RNF13: variants seen among roughly 807,000 people sequenced by gnomAD.
RNF13 encodes the protein E3 ubiquitin-protein ligase RNF13.
In RNF13, 19 loss-of-function variants were observed where a neutral mutation model predicts 37.7. The ratio of observed to expected loss-of-function variants is 0.50; its 90% CI spans 0.35 to 0.74. The LOEUF is 0.74. RNF13 is among the 30% of genes least tolerant of loss of function. The pLI is 0.01. For missense variants in RNF13, 375 were observed against 453.0 expected (o/e 0.83, Z 1.56); for synonymous variants, 144 against 157.8 (o/e 0.91, Z 0.65).
intron 7 of RNF13, among the ~76,000 whole-genome samples, chr3:149,913,813 G>A (rs1717225713): frequency 6.6e-6 from 1 of 152,160 alleles, no homozygotes; most frequent in African/African-American, 2.4e-5. Flanking sequence ...GAACATCACT[G>A]ATGATGCTAA....
chr3:149,894,982 T>C (rs957217395), intron 4 of RNF13, among the ~76,000 whole-genome samples: 7 of 152,150 alleles, frequency 4.6e-5, no homozygotes, highest in African/African-American at 1.2e-4. Flanking sequence ...AATAGCTAGA[T>C]AGAACCAGAG....
chr3:149,844,337 G>T (rs1426594515), intron 1 of RNF13, among the ~76,000 whole-genome samples: 1 of 152,186 alleles, frequency 6.6e-6, no homozygotes, highest in Non-Finnish European at 1.5e-5. Flanking sequence ...GCGTCTAAGG[G>T]TCCTTTCCCA....
chr3:149,918,379 A>G (rs1478697569), intron 7 of RNF13, among the ~76,000 whole-genome samples: 1 of 152,036 alleles, frequency 6.6e-6, no homozygotes, highest in Non-Finnish European at 1.5e-5. Flanking sequence ...TTGTGAATGT[A>G]TGTATTTCAC....
intron 4 of RNF13, among the ~76,000 whole-genome samples, chr3:149,890,183 C>T (rs116614941): frequency 0.012 from 1,857 of 152,300 alleles, 31 homozygotes; most frequent in African/African-American, 0.041. Context: ...TATTCTTTCA[C>T]GTCATTGCTG....
chr3:149,826,461 C>T (rs970927762), intron 1 of RNF13, among the ~76,000 whole-genome samples: 8 of 152,168 alleles, frequency 5.3e-5, no homozygotes, highest in Admixed American at 1.3e-4. Context: ...ATTTCATCTC[C>T]TCCAAATTAT....
Position 149,912,078 on chromosome 3 carries a change from T to C in RNF13, c.601T>C (p.Phe201Leu), listed in dbSNP as rs751728141. ...CATCTGTCTCATCTTGATAGTCATT[T>C]TCATGGTAGGTACATTAACTTTTAA... ...VGICLILIVI[F>L]MITKFVQDRH... Residue 201 changes from phenylalanine (F) to leucine (L), a missense_variant, in exon 7 of 10, where the codon TTC becomes CTC. By Grantham distance (22) the Phe-to-Leu change is conservative (BLOSUM62 0). Transcript: ENST00000392894. 9 of 1,462,632 alleles carry C rather than the reference T, an allele frequency of 6.2e-6. No homozygotes were observed. The highest frequency in any genetic ancestry group is 8.6e-6 in the Non-Finnish European group (9 of 1,045,472). The allele number at this position is 1,462,632 out of a possible 1,614,324, so 90.6% of individuals were successfully genotyped here.
intron 1 of RNF13, among the ~76,000 whole-genome samples, chr3:149,835,722 G>A (rs561150525): frequency 6.6e-6 from 1 of 151,356 alleles, no homozygotes; most frequent in Admixed American, 6.6e-5. Flanking sequence ...GTAGTTGATT[G>A]ATGGGCATTT....
intron 1 of RNF13, among the ~76,000 whole-genome samples, chr3:149,829,002 C>T (rs1031779797): frequency 3.3e-5 from 5 of 152,120 alleles, no homozygotes; most frequent in African/African-American, 1.2e-4. Flanking sequence ...GTATAGATGA[C>T]CGGATCACAT....
intron 6 of RNF13, among the ~76,000 whole-genome samples, chr3:149,907,925 A>G (rs1051236162): frequency 6.6e-6 from 1 of 152,266 alleles, no homozygotes; most frequent in African/African-American, 2.4e-5. Flanking sequence ...TTCAGTAAAC[A>G]ATTGTCATAT....
chr3:149,925,810 G>T (rs528778380), intron 8 of RNF13, among the ~76,000 whole-genome samples: 6 of 152,102 alleles, frequency 3.9e-5, no homozygotes, highest in African/African-American at 1.4e-4. Flanking sequence ...GTGATTGATG[G>T]TACCAATTTC....
rs1302318768 is a variant in RNF13 at position 149,860,270 on chromosome 3, A to AAATATATAT, written c.195+7675_195+7676insATATATATA. On this transcript the variant is annotated intron_variant, in intron 3 of 9. Transcript: ENST00000392894. ...GAGACTCCATCTAAAAAAAAAAAAA[A>AAATATATAT]ATATATATATATATATATATATATA... is the stretch of plus-strand genomic sequence containing the variant. Among the ~76,000 whole-genome samples the AAATATATAT allele has an allele frequency of 2.7e-3, 285 of 104,018 alleles. 1 individual carries two copies. The highest frequency in any genetic ancestry group is 4.4e-3 in the Non-Finnish European group (238 of 54,658). 68.2% of individuals were successfully genotyped at this position (104,018 alleles called of 152,430 possible). A position where few individuals can be genotyped will look rare whatever the true frequency, so the allele number is the denominator to read the frequency against.
rs144204305 is a variant in RNF13 at position 149,939,521 on chromosome 3, T to C, written c.700+18294T>C. On this transcript the variant is annotated intron_variant, in intron 8 of 9. Transcript: ENST00000392894. ...AACCGTAAGATCACCAGTGGTGTTA[T>C]TTCAAGGCCCCCAGAAACCATTGGC... 586 of 583,522 alleles carry C rather than the reference T, an allele frequency of 1.0e-3. 2 individuals are homozygous for C. In the African/African-American group the frequency reaches 0.01, roughly 10 times the overall value. 36.1% of individuals were successfully genotyped at this position (583,522 alleles called of 1,614,324 possible). A position where few individuals can be genotyped will look rare whatever the true frequency, so the allele number is the denominator to read the frequency against.
At chr3:149,921,849 G>A (rs1282201389) in intron 8 of RNF13, among the ~76,000 whole-genome samples, 1 of 152,106 alleles carries the variant, frequency 6.6e-6, no homozygotes, top group African/African-American at 2.4e-5. Context: ...GGTATTTCTA[G>A]TTCTAGATCC....
chr3:149,952,682 C>T (rs1032003300), intron 8 of RNF13, among the ~76,000 whole-genome samples: 2 of 152,086 alleles, frequency 1.3e-5, no homozygotes, highest in African/African-American at 4.8e-5. Flanking sequence ...TCATCACAAC[C>T]TCTGCCTCCC....
intron 6 of RNF13, among the ~76,000 whole-genome samples, chr3:149,909,065 G>A (rs1716712019): frequency 6.6e-6 from 1 of 152,074 alleles, no homozygotes; most frequent in African/African-American, 2.4e-5. Flanking sequence ...GATTAATCTG[G>A]GACTAGGGCA....
At chr3:149,881,914 C>T (rs1259950789) in intron 4 of RNF13, among the ~76,000 whole-genome samples, 4 of 152,110 alleles carry the variant, frequency 2.6e-5, no homozygotes, top group Admixed American at 2.6e-4. Flanking sequence ...TAAGCTTCAG[C>T]GTTAAAACCA....
At chr3:149,895,711 T>C (rs1480575963) in intron 5 of RNF13, 151 bp downstream of exon 5, 4 of 500,148 alleles carry the variant, frequency 8.0e-6, no homozygotes, top group Non-Finnish European at 1.5e-5. Flanking sequence ...GATGATTTTA[T>C]TCATAGTAGA....
At chr3:149,952,689 TC>T (rs1721461726) in intron 8 of RNF13, among the ~76,000 whole-genome samples, 1 of 151,964 alleles carries the variant, frequency 6.6e-6, no homozygotes, top group Non-Finnish European at 1.5e-5. Flanking sequence ...AACCTCTGCC[TC>T]CCGGGTTCAA....
chr3:149,909,646 T>G (rs1716787941), intron 6 of RNF13, among the ~76,000 whole-genome samples: 1 of 152,014 alleles, frequency 6.6e-6, no homozygotes, highest in Admixed American at 6.6e-5. Context: ...TAAACTAAAA[T>G]GGTATTTAGT....
Sources: gnomAD v4.1 joint callset for allele counts (sites outside exome capture counted in the v4.1 genomes callset) on GRCh38, gnomAD v4.1.1 for gene constraint, MANE v1.5 for transcripts, NCBI Gene and HGNC (gene_info 2026-07-23, HGNC 2026-07-21) for gene names.